Variants in LMTK2 observed in about 807,000 individuals in gnomAD.
LMTK2 encodes the protein serine/threonine-protein kinase LMTK2.
Under a neutral mutation model 127.5 loss-of-function variants are expected in LMTK2, and 37 were observed. The observed-to-expected ratio is 0.29, with a 90% confidence interval of 0.22 to 0.38. The LOEUF (loss-of-function observed/expected upper bound fraction) is 0.38. Ranked by LOEUF, LMTK2 falls within the 10% of genes least tolerant of loss-of-function variation. The probability of loss-of-function intolerance (pLI) is 1.00; values close to 1 mark genes in which losing one functional copy is unlikely to be tolerated. For missense variants in LMTK2, 1,694 were observed against 1,920.3 expected (o/e 0.88, Z 2.20); for synonymous variants, 819 against 810.1 (o/e 1.01, Z -0.19).
intron 1 of LMTK2, among the ~76,000 whole-genome samples, chr7:98,136,310 A>C (rs2394825): frequency 0.012 from 1,850 of 152,350 alleles, 17 homozygotes; most frequent in Admixed American, 0.02. Context: ...AGAATTCCAA[A>C]TAACAAATGT....
chr7:98,189,932 G>A (rs564047638), intron 9 of LMTK2, among the ~76,000 whole-genome samples: 2 of 152,078 alleles, frequency 1.3e-5, no homozygotes, highest in South Asian at 2.1e-4. Context: ...AGAGGATATC[G>A]TCTTGCCCAT....
At chr7:98,165,713 T>C (rs779924751) in intron 6 of LMTK2, among the ~76,000 whole-genome samples, 9 of 152,088 alleles carry the variant, frequency 5.9e-5, no homozygotes, top group Non-Finnish European at 1.3e-4. Flanking sequence ...TCTTTATGAA[T>C]GTAGTTATTA....
chr7:98,188,651 T>A (rs1271418547), intron 9 of LMTK2, among the ~76,000 whole-genome samples: 1 of 152,172 alleles, frequency 6.6e-6, no homozygotes, highest in Non-Finnish European at 1.5e-5. Flanking sequence ...TGGCTGCCAA[T>A]TTCAGTACTT....
intron 2 of LMTK2, among the ~76,000 whole-genome samples, chr7:98,140,037 C>T (rs973625454): frequency 5.3e-5 from 8 of 151,948 alleles, no homozygotes; most frequent in African/African-American, 1.9e-4. Flanking sequence ...GGAAGAATTG[C>T]GATAGCTTCC....
intron 5 of LMTK2, among the ~76,000 whole-genome samples, chr7:98,157,593 G>A (rs1042979329): frequency 6.7e-6 from 1 of 148,628 alleles, no homozygotes; most frequent in Non-Finnish European, 1.5e-5. Flanking sequence ...CAGTAGGTGA[G>A]TGGTTCAGCA....
intron 1 of LMTK2, among the ~76,000 whole-genome samples, chr7:98,118,886 A>C (rs1019710999): frequency 2.0e-4 from 31 of 152,110 alleles, no homozygotes; most frequent in Non-Finnish European, 3.4e-4. Flanking sequence ...AGGTCAGGAG[A>C]TCGAGACCGT....
At chr7:98,123,704 TACACACACAC>T (rs143477267) in intron 1 of LMTK2, among the ~76,000 whole-genome samples, 6 of 150,408 alleles carry the variant, frequency 4.0e-5, no homozygotes, top group Non-Finnish European at 7.4e-5. Flanking sequence ...TTTTCATATA[TACACACACAC>T]ACACACACAC....
chr7:98,208,801 C>T lies in LMTK2; in HGVS notation c.*3309C>T, dbSNP rs897121587. The T allele has an allele frequency of 1.4e-4, 21 of 152,174 alleles. No individual in the cohort carries two copies. The highest frequency in any genetic ancestry group is 4.6e-4 in the African/African-American group (19 of 41,442). 9.4% of individuals were successfully genotyped at this position (152,174 alleles called of 1,614,324 possible). A position where few individuals can be genotyped will look rare whatever the true frequency, so the allele number is the denominator to read the frequency against. On this transcript the variant is annotated 3_prime_UTR_variant, in exon 14 of 14. Coordinates refer to ENST00000297293, the MANE Select transcript of LMTK2 (RefSeq NM_014916.4). ...CTCGACCAAGCCGAATTGCAAACAA[C>T]GTTCGTTCTATTTTTAAATGTACAG...
In LMTK2 at chr7:98,138,040, A is replaced by G. The variant is rs1454078356; in HGVS notation, c.231+598A>G. On this transcript the variant is annotated intron_variant, in intron 2 of 13. Transcript: ENST00000297293. ...TAAAGTCCTGGCCAGGGAGGGTAAT[A>G]GAGAAGATCTGGTTATAGCAGCAGA... Among the ~76,000 whole-genome samples the G allele has an allele frequency of 3.9e-5, 6 of 152,200 alleles. No homozygotes were observed. The East Asian group carries it at 1.2e-3, about 29-fold the overall frequency.
intron 2 of LMTK2, 57 bp from the exon 3 acceptor site, chr7:98,141,340 T>C (rs1796696090): frequency 6.7e-7 from 1 of 1,500,300 alleles, no homozygotes; most frequent in Non-Finnish European, 9.3e-7. Flanking sequence ...TGTGCAAATA[T>C]GTTCCTATTT....
chr7:98,145,423 A>G (rs1796758044), intron 3 of LMTK2, among the ~76,000 whole-genome samples: 1 of 152,116 alleles, frequency 6.6e-6, no homozygotes, highest in African/African-American at 2.4e-5. Flanking sequence ...GTCTTAAGAA[A>G]TTCTTTCTTA....
At chr7:98,134,240 A>T (rs78339027) in intron 1 of LMTK2, among the ~76,000 whole-genome samples, 1 of 152,182 alleles carries the variant, frequency 6.6e-6, no homozygotes, top group Non-Finnish European at 1.5e-5. Flanking sequence ...TATTTTATCA[A>T]ATGTCAGATG....
In LMTK2 at chr7:98,171,895, T is replaced by C. The variant is rs542250692; in HGVS notation, c.791+221T>C. 6.6e-6 allele frequency among the ~76,000 whole-genome samples: 1 copy of C among 152,346 alleles called. No homozygotes were observed. Among genetic ancestry groups the C allele is most frequent in the East Asian group, 1.9e-4 (1 of 5,190 alleles). Reference sequence around the variant, plus strand: ...TAAGATGTCTTAATACATTTATTATTTCCAGCATTTCAAAGAATGTGAATA... The same window carrying C: ...TAAGATGTCTTAATACATTTATTATCTCCAGCATTTCAAAGAATGTGAATA... On this transcript the variant is annotated intron_variant, in intron 7 of 13. Transcript: ENST00000297293. This position sits in a 1 kb window ranked among gnomAD's most constrained non-coding sequence, Gnocchi z 5.1.
chr7:98,123,272 A>G (rs954013309), intron 1 of LMTK2, among the ~76,000 whole-genome samples: 2 of 152,186 alleles, frequency 1.3e-5, no homozygotes, highest in African/African-American at 4.8e-5. Context: ...CTTTTTCTCA[A>G]CACAGTCACT....
intron 5 of LMTK2, 38 bp downstream of exon 5, chr7:98,154,914 T>A (rs751728156): frequency 8.4e-7 from 1 of 1,185,898 alleles, no homozygotes; most frequent in South Asian, 1.2e-5. Context: ...AAGACTAGTC[T>A]GTGGTCTGTT....
At chr7:98,184,562 G>A (rs1797404870) in intron 7 of LMTK2, among the ~76,000 whole-genome samples, 1 of 149,448 alleles carries the variant, frequency 6.7e-6, no homozygotes, top group Admixed American at 6.9e-5. Context: ...TGCCTTTTTT[G>A]ACTGAGCCAT....
chr7:98,204,830 G>C (rs765192349), intron 13 of LMTK2, among the ~76,000 whole-genome samples: 4 of 152,206 alleles, frequency 2.6e-5, no homozygotes, highest in Non-Finnish European at 5.9e-5. Flanking sequence ...TCCGCACTCT[G>C]TCTCCTCCTT....
chr7:98,151,433 T>C lies in LMTK2; in HGVS notation c.428T>C (p.Ile143Thr). 1 of 1,613,820 alleles carries C rather than the reference T, an allele frequency of 6.2e-7. No individual in the cohort carries two copies. The change falls in exon 4 of 14, where the codon ATT becomes ACT. Residue 143 changes from isoleucine to threonine, a missense_variant. By Grantham distance (89) the Ile-to-Thr change is moderately conservative. Coordinates refer to ENST00000297293, the MANE Select transcript of LMTK2 (RefSeq NM_014916.4). ...ARHSLNYIQE[I>T]GNGWFGKVLL... is the part of the protein sequence containing the mutation. ...CACAGTCTAAACTACATACAGGAAA[T>C]TGGAAATGGCTGGTTTGGAAAGGTA...
chr7:98,184,432 G>T (rs1332267856), intron 7 of LMTK2, among the ~76,000 whole-genome samples: 1 of 151,910 alleles, frequency 6.6e-6, no homozygotes, highest in Non-Finnish European at 1.5e-5. Context: ...ACAGTCCTGG[G>T]GGCAACGGGT....
Sources: gnomAD v4.1 joint callset for allele counts (sites outside exome capture counted in the v4.1 genomes callset) on GRCh38, gnomAD v4.1.1 for gene constraint, Gnocchi (gnomAD v3.1) non-coding constraint, MANE v1.5 for transcripts, NCBI Gene and HGNC (gene_info 2026-07-23, HGNC 2026-07-21) for gene names.